ADAM18: variants seen among roughly 807,000 people sequenced by gnomAD.
ADAM18 encodes the protein ADAM metallopeptidase domain 18.
Under a neutral mutation model 94.4 loss-of-function variants are expected in ADAM18, and 117 were observed. The ratio of observed to expected loss-of-function variants is 1.24; its 90% CI spans 1.07 to 1.45. The LOEUF (loss-of-function observed/expected upper bound fraction) is 1.45, where lower values mean the gene tolerates loss of function less well. Ranked by LOEUF, ADAM18 falls within the 40% of genes most tolerant of loss-of-function variation. ADAM18 has a pLI of 0.00. For synonymous variants in ADAM18, 327 were observed against 291.6 expected (o/e 1.12, Z -1.24); for missense variants, 936 against 880.0 (o/e 1.06, Z -0.81).
chr8:39,646,857 G>A lies in ADAM18; in HGVS notation c.1046+1383G>A, dbSNP rs190626832. On this transcript the variant is annotated intron_variant, in intron 11 of 19. Transcript: ENST00000265707. ...TTAATGAAGCTTATTTTTACATAAT[G>A]CAAAAGTGCTGTATAGAAAAATATT... Among the ~76,000 whole-genome samples, 4 of 152,242 alleles carry A rather than the reference G, an allele frequency of 2.6e-5. No homozygotes were observed. The East Asian group carries it at 7.7e-4, about 29-fold the overall frequency.
intron 4 of ADAM18, 131 bp downstream of exon 4, chr8:39,609,251 G>T (rs2129578438): frequency 1.3e-6 from 1 of 756,518 alleles, no homozygotes; most frequent in East Asian, 2.7e-5. Flanking sequence ...ACATAGAAAT[G>T]GCATGTGATA....
intron 17 of ADAM18, among the ~76,000 whole-genome samples, chr8:39,696,172 T>C (rs1162355467): frequency 4.0e-5 from 6 of 151,548 alleles, no homozygotes; most frequent in Non-Finnish European, 7.4e-5. Context: ...ATTTCCCTTA[T>C]TGGCAATCCA....
chr8:39,612,857 C>A (rs1421186494), intron 6 of ADAM18, among the ~76,000 whole-genome samples: 1 of 152,112 alleles, frequency 6.6e-6, no homozygotes, highest in Non-Finnish European at 1.5e-5. Flanking sequence ...TGGGCTCTTG[C>A]CAACATGCAT....
chr8:39,718,766 A>G (rs1822656666), intron 18 of ADAM18, among the ~76,000 whole-genome samples: 1 of 151,586 alleles, frequency 6.6e-6, no homozygotes, highest in Non-Finnish European at 1.5e-5. Flanking sequence ...AAAATAAAAT[A>G]CTTGCAAATA....
intron 2 of ADAM18, 129 bp from the exon 3 acceptor site, chr8:39,606,178 G>A: frequency 1.7e-6 from 1 of 572,180 alleles, no homozygotes; most frequent in Non-Finnish European, 3.0e-6. Flanking sequence ...TTACTATTTA[G>A]AATAATAAAT....
At chr8:39,605,117 T>C (rs1466242313) in intron 2 of ADAM18, among the ~76,000 whole-genome samples, 1 of 152,312 alleles carries the variant, frequency 6.6e-6, no homozygotes, top group South Asian at 2.1e-4. Context: ...TGCTCCTTTT[T>C]CTTTCTGCCA....
chr8:39,677,569 T>G (rs140646934), intron 15 of ADAM18, 33 bp downstream of exon 15: 429 of 1,484,438 alleles, frequency 2.9e-4, no homozygotes, highest in African/African-American at 1.5e-3. Context: ...CTTCTTTGAA[T>G]CATAAAAATT....
chr8:39,644,732 G>T (rs560671219), intron 10 of ADAM18, among the ~76,000 whole-genome samples: 1 of 152,174 alleles, frequency 6.6e-6, no homozygotes, highest in African/African-American at 2.4e-5. Flanking sequence ...CCCATACTTT[G>T]TATCTCAGCC....
At chr8:39,707,083 T>A (rs545354313) in intron 18 of ADAM18, among the ~76,000 whole-genome samples, 179 bp downstream of exon 18, 2 of 152,310 alleles carry the variant, frequency 1.3e-5, no homozygotes, top group Non-Finnish European at 2.9e-5. Flanking sequence ...AGCACCAAGC[T>A]CTAAATGTAC....
At chr8:39,590,394 A>G (rs1383261060) in intron 2 of ADAM18, among the ~76,000 whole-genome samples, 3 of 152,144 alleles carry the variant, frequency 2.0e-5, no homozygotes, top group East Asian at 1.9e-4. Flanking sequence ...ATGAGATCAC[A>G]TGGACACAGG....
intron 14 of ADAM18, among the ~76,000 whole-genome samples, chr8:39,668,693 A>G (rs1473835439): frequency 6.6e-6 from 1 of 152,174 alleles, no homozygotes; most frequent in Non-Finnish European, 1.5e-5. Flanking sequence ...AATTTTAATA[A>G]GACTTGTGCA....
In ADAM18 at chr8:39,637,628, A is replaced by T; in HGVS notation, c.752A>T (p.Asp251Val). Residue 251 changes from aspartate to valine, a missense_variant, in exon 9 of 20, where the codon GAT (aspartate) becomes GTT (valine). Asp to Val is a radical substitution (Grantham distance 152). Transcript: ENST00000265707. ...ATTTCCACCAGTGGGGATGCTGATG[A>T]TATATTACAAAGATTTTTGGCATGG... ...NQISTSGDAD[D>V]ILQRFLAWKR... 2 of 1,612,868 alleles carry T rather than the reference A, an allele frequency of 1.2e-6. No individual in the cohort carries two copies. The highest frequency in any genetic ancestry group is 1.7e-6 in the Non-Finnish European group (2 of 1,179,292).
intron 6 of ADAM18, among the ~76,000 whole-genome samples, chr8:39,622,847 T>C (rs11988623): frequency 0.24 from 36,685 of 151,972 alleles, 4,682 homozygotes; most frequent in East Asian, 0.48. Flanking sequence ...CTTTCTAGTT[T>C]TCCAGGTTAC....
intron 18 of ADAM18, among the ~76,000 whole-genome samples, chr8:39,713,655 G>T (rs1822484693): frequency 6.6e-6 from 1 of 152,152 alleles, no homozygotes; most frequent in African/African-American, 2.4e-5. Context: ...CTTCTCAAAA[G>T]AAGCCATTTA....
At chr8:39,671,063 C>T (rs1400503352) in intron 14 of ADAM18, among the ~76,000 whole-genome samples, 3 of 152,226 alleles carry the variant, frequency 2.0e-5, no homozygotes, top group Non-Finnish European at 2.9e-5. Context: ...TCCAAATATT[C>T]TGATCTTTAA....
chr8:39,673,508 C>T (rs534643244), intron 14 of ADAM18, among the ~76,000 whole-genome samples: 129 of 151,954 alleles, frequency 8.5e-4, no homozygotes, highest in Non-Finnish European at 1.6e-3. Flanking sequence ...TGACGTTCCC[C>T]GCCCTGTGTC....
chr8:39,669,886 C>T (rs1435998645), intron 14 of ADAM18, among the ~76,000 whole-genome samples: 1 of 152,166 alleles, frequency 6.6e-6, no homozygotes, highest in Non-Finnish European at 1.5e-5. Context: ...TGAGGAATCA[C>T]CACACTGACT....
Position 39,606,373 on chromosome 8 carries a change from ATTT to A in ADAM18, c.188+18_188+20del. 1 of 1,512,870 alleles carries A rather than the reference ATTT, an allele frequency of 6.6e-7. No individual in the cohort carries two copies. The highest frequency in any genetic ancestry group is 9.0e-7 in the Non-Finnish European group (1 of 1,115,280). 93.7% of individuals were successfully genotyped at this position (1,512,870 alleles called of 1,614,324 possible). ...ACATCTCGGAAAACAGTAAGATATG[ATTT>A]TTTTTTCATTAAGGAAAAGGGAAAG... is the stretch of plus-strand genomic sequence containing the variant. On this transcript the variant is annotated intron_variant, in intron 3 of 19. Transcript: ENST00000265707.
chr8:39,707,552 G>A (rs1371343714), intron 18 of ADAM18, among the ~76,000 whole-genome samples: 1 of 152,080 alleles, frequency 6.6e-6, no homozygotes, highest in Non-Finnish European at 1.5e-5. Context: ...TGCAAAACCG[G>A]TGCAGATTTC....
Sources: allele counts gnomAD v4.1 joint callset (sites outside exome capture counted in the v4.1 genomes callset), GRCh38; gene constraint gnomAD v4.1.1; transcripts MANE v1.5; gene names NCBI Gene and HGNC (gene_info 2026-07-23, HGNC 2026-07-21).